Variants in PHLDB2 observed in about 807,000 individuals in gnomAD.
The protein encoded by PHLDB2 is pleckstrin homology-like domain family B member 2.
In PHLDB2, 71 loss-of-function variants were observed where a neutral mutation model predicts 123.6. The observed-to-expected ratio is 0.57, with a 90% confidence interval of 0.47 to 0.70. The LOEUF is 0.70. PHLDB2 is among the 30% of genes least tolerant of loss of function. The pLI is 0.00. For missense variants in PHLDB2, 1,446 were observed against 1,519.5 expected (o/e 0.95, Z 0.80); for synonymous variants, 547 against 541.6 (o/e 1.01, Z -0.14).
intron 1 of PHLDB2, among the ~76,000 whole-genome samples, chr3:111,790,027 C>A (rs116083811): frequency 6.6e-6 from 1 of 152,114 alleles, no homozygotes; most frequent in Non-Finnish European, 1.5e-5. Flanking sequence ...ACTCCATGGG[C>A]GTGAGGAGCC....
chr3:111,817,096 A>C (rs1227494163), intron 1 of PHLDB2, among the ~76,000 whole-genome samples: 1 of 152,224 alleles, frequency 6.6e-6, no homozygotes, highest in African/African-American at 2.4e-5. Context: ...CTGTAAGTCC[A>C]ATAAACCTAT....
At chr3:111,948,857 A>G in intron 9 of PHLDB2, 75 bp from the exon 10 acceptor site, 6 of 1,450,050 alleles carry the variant, frequency 4.1e-6, no homozygotes, top group South Asian at 1.2e-5. Context: ...ACTTCATTGT[A>G]CTGGGAACAT....
At chr3:111,940,329 A>G (rs540438808) in intron 7 of PHLDB2, among the ~76,000 whole-genome samples, 1 of 152,336 alleles carries the variant, frequency 6.6e-6, no homozygotes, top group South Asian at 2.1e-4. Flanking sequence ...GTCGATCTAT[A>G]TTAGCCTTCA....
intron 1 of PHLDB2, among the ~76,000 whole-genome samples, chr3:111,793,391 A>T (rs965458711): frequency 2.6e-5 from 4 of 152,020 alleles, no homozygotes; most frequent in Non-Finnish European, 5.9e-5. Flanking sequence ...CAGTCAGCTT[A>T]TGGTGAACAC....
At chr3:111,890,466 T>G (rs974039418) in intron 2 of PHLDB2, among the ~76,000 whole-genome samples, 1 of 152,238 alleles carries the variant, frequency 6.6e-6, no homozygotes, top group African/African-American at 2.4e-5. Flanking sequence ...CTTGCACATT[T>G]TATTAGGACC....
intron 2 of PHLDB2, among the ~76,000 whole-genome samples, chr3:111,912,118 G>T (rs1454589865): frequency 1.3e-5 from 2 of 152,152 alleles, no homozygotes; most frequent in African/African-American, 4.8e-5. Context: ...CACAATAGAT[G>T]GTTTTTGTTT....
intron 1 of PHLDB2, among the ~76,000 whole-genome samples, chr3:111,882,161 A>G (rs2065963943): frequency 6.6e-6 from 1 of 152,146 alleles, no homozygotes; most frequent in African/African-American, 2.4e-5. Flanking sequence ...TTTTTTCCCT[A>G]TTATTTGGCA....
At chr3:111,908,583 G>A (rs146144249) in intron 2 of PHLDB2, among the ~76,000 whole-genome samples, 1 of 152,146 alleles carries the variant, frequency 6.6e-6, no homozygotes, top group Non-Finnish European at 1.5e-5. Flanking sequence ...CCTGGCTGTT[G>A]TTCATGCAGA....
At chr3:111,959,026 A>G (rs1046972980) in intron 12 of PHLDB2, among the ~76,000 whole-genome samples, 5 of 152,260 alleles carry the variant, frequency 3.3e-5, no homozygotes, top group African/African-American at 1.2e-4. Context: ...AGCTTCAATG[A>G]GAGTGGAGGC....
At chr3:111,877,085 A>G (rs1161454548) in intron 1 of PHLDB2, among the ~76,000 whole-genome samples, 1 of 152,234 alleles carries the variant, frequency 6.6e-6, no homozygotes, top group African/African-American at 2.4e-5. Context: ...GTATATATCC[A>G]GTAATGGGAT....
At chr3:111,913,289 A>G (rs200869139) in intron 2 of PHLDB2, 30 bp from the exon 3 acceptor site, 1 of 1,167,118 alleles carries the variant, frequency 8.6e-7, no homozygotes, top group South Asian at 1.6e-5. Flanking sequence ...TCACAAACCC[A>G]CTGACCTCCC....
At position 111,962,263 on chromosome 3, in the gene PHLDB2, G is replaced by T. The variant is rs1158419357; in HGVS notation, c.3028G>T (p.Asp1010Tyr). The change falls in exon 13 of 18, where the codon GAT becomes TAT. Residue 1010 changes from aspartate (D) to tyrosine (Y), a missense_variant. Around this residue, in one of 3 missense-constraint regions of PHLDB2, gnomAD observed 594 missense variants for 646.0 expected, o/e 0.92. Transcript: ENST00000431670. Reference protein sequence around the residue: ...AFDTLSLDSSDSMETSISACS... With the variant: ...AFDTLSLDSSYSMETSISACS... Reference sequence around the variant, plus strand: ...TGATACTCTGAGCCTCGATAGCTCTGATAGCATGGAGACCAGCATCTCTGC... The same window carrying T: ...TGATACTCTGAGCCTCGATAGCTCTTATAGCATGGAGACCAGCATCTCTGC... 1.2e-5 allele frequency: 19 copies of T among 1,584,524 alleles called. No homozygotes were observed. The highest frequency in any genetic ancestry group is 1.6e-5 in the Non-Finnish European group (19 of 1,172,532).
At chr3:111,901,315 G>A (rs564558247) in intron 2 of PHLDB2, among the ~76,000 whole-genome samples, 41 of 149,566 alleles carry the variant, frequency 2.7e-4, no homozygotes, top group African/African-American at 8.4e-4. Flanking sequence ...AGCCAAGATC[G>A]CACCATTGCA....
chr3:111,846,998 A>T (rs776715175), intron 2 of PHLDB2, among the ~76,000 whole-genome samples: 1 of 152,244 alleles, frequency 6.6e-6, no homozygotes, highest in Non-Finnish European at 1.5e-5. Context: ...AAAGAGATAC[A>T]TGAATGTGAC....
At chr3:111,775,694 A>G (rs942161699) in intron 1 of PHLDB2, among the ~76,000 whole-genome samples, 7 of 152,210 alleles carry the variant, frequency 4.6e-5, no homozygotes, top group African/African-American at 1.7e-4. Flanking sequence ...TTATAAAACT[A>G]GAGATAAAAT....
At chr3:111,820,069 T>C (rs568681339) in intron 1 of PHLDB2, among the ~76,000 whole-genome samples, 5 of 152,318 alleles carry the variant, frequency 3.3e-5, no homozygotes, top group East Asian at 1.9e-4. Flanking sequence ...TTGAGGTTGT[T>C]CCTCTTTGTT....
At chr3:111,787,392 T>C (rs1055473351) in intron 1 of PHLDB2, among the ~76,000 whole-genome samples, 6 of 152,226 alleles carry the variant, frequency 3.9e-5, no homozygotes, top group African/African-American at 1.4e-4. Flanking sequence ...ATGGAACTTA[T>C]AAGTGAGATA....
intron 2 of PHLDB2, among the ~76,000 whole-genome samples, chr3:111,847,353 C>T (rs973970609): frequency 4.6e-4 from 70 of 152,138 alleles, no homozygotes; most frequent in Middle Eastern, 3.4e-3. Context: ...AGAAAGATCC[C>T]GGTCCTCATA....
At chr3:111,964,720 T>C (rs2071637568) in intron 13 of PHLDB2, among the ~76,000 whole-genome samples, 1 of 152,158 alleles carries the variant, frequency 6.6e-6, no homozygotes, top group Non-Finnish European at 1.5e-5. Context: ...CAAATTTAAT[T>C]TGTCAAGTAT....
Sources: allele counts gnomAD v4.1 joint callset (sites outside exome capture counted in the v4.1 genomes callset), GRCh38; gene constraint gnomAD v4.1.1; regional missense constraint gnomAD v4.1.1; transcripts MANE v1.5; gene names NCBI Gene and HGNC (gene_info 2026-07-23, HGNC 2026-07-21).